The following ADGRL2 variants were observed in gnomAD, a reference collection of about 807,000 sequenced individuals.
ADGRL2 encodes the protein calcium-independent alpha-latrotoxin receptor 2.
A neutral mutation model predicts 157.4 loss-of-function variants in ADGRL2; 44 were observed. The ratio of observed to expected loss-of-function variants is 0.28; its 90% CI spans 0.22 to 0.36. ADGRL2 has a LOEUF of 0.36. Among genes scored for constraint, ADGRL2 ranks in the 10% least tolerant of loss-of-function variants. The pLI is 1.00. For synonymous variants in ADGRL2, 585 were observed against 624.7 expected, an observed-to-expected ratio of 0.94 and a Z score of 0.95; for missense variants, 1,510 against 1,768.9, an observed-to-expected ratio of 0.85 and a Z score of 2.63.
chr1:81,862,470 T>C (rs151287238), intron 2 of ADGRL2, among the ~76,000 whole-genome samples: 1 of 152,342 alleles, frequency 6.6e-6, no homozygotes, highest in Non-Finnish European at 1.5e-5. Flanking sequence ...TGTATTGATA[T>C]CTAATATTAA....
chr1:81,537,521 C>T (rs918216253), intron 2 of ADGRL2, among the ~76,000 whole-genome samples: 6 of 151,860 alleles, frequency 4.0e-5, no homozygotes, highest in Admixed American at 2.0e-4. Flanking sequence ...CCCAACCTCA[C>T]GTGATCCTCC....
chr1:81,308,717 C>T (rs12133711), intron 1 of ADGRL2, among the ~76,000 whole-genome samples: 31,363 of 152,012 alleles, frequency 0.21, 4,037 homozygotes, highest in Middle Eastern at 0.35. Context: ...TAGACTTTCG[C>T]ATTTGTTTGC....
chr1:81,414,491 G>C (rs773118001), intron 1 of ADGRL2: 1 of 152,366 alleles, frequency 6.6e-6, no homozygotes, highest in Non-Finnish European at 1.5e-5. Flanking sequence ...GACCATCTCA[G>C]AACATTACTA....
At chr1:81,933,204 G>T (rs2095260768) in intron 3 of ADGRL2, among the ~76,000 whole-genome samples, 1 of 152,116 alleles carries the variant, frequency 6.6e-6, no homozygotes, top group Non-Finnish European at 1.5e-5. Context: ...CGTAATTGTA[G>T]TTCCTTCAAA....
At chr1:81,790,280 C>T (rs1055366427) in intron 2 of ADGRL2, among the ~76,000 whole-genome samples, 13 of 152,106 alleles carry the variant, frequency 8.5e-5, no homozygotes, top group African/African-American at 3.1e-4. Context: ...CACATGAACA[C>T]ACACAAAAAC....
intron 2 of ADGRL2, among the ~76,000 whole-genome samples, chr1:81,868,143 C>G (rs2093598618): frequency 6.6e-6 from 1 of 151,090 alleles, no homozygotes; most frequent in African/African-American, 2.4e-5. Context: ...TTGTTAAAAT[C>G]CGTGCCACTG....
At chr1:81,932,908 G>T (rs933116926) in intron 3 of ADGRL2, among the ~76,000 whole-genome samples, 9 of 152,102 alleles carry the variant, frequency 5.9e-5, no homozygotes, top group African/African-American at 2.2e-4. Context: ...CTCCATGTTG[G>T]TCAGGCTGGT....
intron 2 of ADGRL2, among the ~76,000 whole-genome samples, chr1:81,459,907 T>A (rs905508564): frequency 2.6e-5 from 4 of 151,902 alleles, no homozygotes; most frequent in African/African-American, 9.7e-5. Flanking sequence ...TTTGGAGTGT[T>A]TTAAAGACCC....
At chr1:81,312,200 A>G (rs1659801313) in intron 1 of ADGRL2, among the ~76,000 whole-genome samples, 1 of 152,262 alleles carries the variant, frequency 6.6e-6, no homozygotes, top group South Asian at 2.1e-4. Flanking sequence ...TAGTCAATCC[A>G]ATAAGAAATC....
At chr1:81,693,422 A>T (rs749431725) in intron 3 of ADGRL2, among the ~76,000 whole-genome samples, 11 of 152,332 alleles carry the variant, frequency 7.2e-5, no homozygotes, top group Admixed American at 1.3e-4. Context: ...TGAAGAAGGG[A>T]TACAATAGTT....
intron 3 of ADGRL2, among the ~76,000 whole-genome samples, chr1:81,603,855 G>T (rs189188849): frequency 6.6e-6 from 1 of 152,194 alleles, no homozygotes; most frequent in East Asian, 1.9e-4. Context: ...AATAAAGTTA[G>T]TAACTTACCT....
chr1:81,958,182 G>A (rs559863950), intron 11 of ADGRL2, among the ~76,000 whole-genome samples: 10 of 152,178 alleles, frequency 6.6e-5, no homozygotes, highest in African/African-American at 1.9e-4. Flanking sequence ...CCTCGAACCT[G>A]GGAGGCAGAG....
chr1:81,321,060 T>C (rs893082891), intron 1 of ADGRL2, among the ~76,000 whole-genome samples: 1 of 152,230 alleles, frequency 6.6e-6, no homozygotes, highest in African/African-American at 2.4e-5. Flanking sequence ...CTGGGTAACT[T>C]ACTGTAGCTT....
chr1:81,832,423 G>C (rs111682079), intron 1 of ADGRL2, among the ~76,000 whole-genome samples: 22 of 152,316 alleles, frequency 1.4e-4, no homozygotes, highest in African/African-American at 5.3e-4. Flanking sequence ...GATTACAGGA[G>C]TGAGCCACCT....
chr1:81,668,119 A>C (rs2082789272), intron 3 of ADGRL2, among the ~76,000 whole-genome samples: 1 of 152,294 alleles, frequency 6.6e-6, no homozygotes, highest in South Asian at 2.1e-4. Flanking sequence ...GGAATGAAGT[A>C]TTTCATATAA....
chr1:81,864,868 C>T (rs2093491202), intron 2 of ADGRL2, among the ~76,000 whole-genome samples: 1 of 152,112 alleles, frequency 6.6e-6, no homozygotes, highest in Non-Finnish European at 1.5e-5. Flanking sequence ...TGCCTGTAAT[C>T]CCAGCTACTT....
intron 3 of ADGRL2, among the ~76,000 whole-genome samples, chr1:81,660,652 T>A (rs764625358): frequency 2.6e-5 from 4 of 152,134 alleles, no homozygotes; most frequent in Non-Finnish European, 5.9e-5. Flanking sequence ...TTTTCCTTTT[T>A]CAAAGGGGAC....
intron 2 of ADGRL2, among the ~76,000 whole-genome samples, chr1:81,781,477 G>A (rs1158768603): frequency 4.6e-5 from 7 of 152,172 alleles, no homozygotes; most frequent in Admixed American, 2.6e-4. Flanking sequence ...TAGCTAAACA[G>A]AATCTAGGCT....
At chr1:81,793,190 A>C (rs995340283) in intron 2 of ADGRL2, among the ~76,000 whole-genome samples, 2 of 152,162 alleles carry the variant, frequency 1.3e-5, no homozygotes, top group Admixed American at 6.5e-5. Context: ...AATTAAAAAC[A>C]AGAAAATCAT....
Sources: gnomAD v4.1 joint callset for allele counts (sites outside exome capture counted in the v4.1 genomes callset) on GRCh38, gnomAD v4.1.1 for gene constraint, MANE v1.5 for transcripts, NCBI Gene and HGNC (gene_info 2026-07-23, HGNC 2026-07-21) for gene names.